Variants in PDE10A observed in about 807,000 individuals in gnomAD.
The protein encoded by PDE10A is cAMP and cAMP-inhibited cGMP 3',5'-cyclic phosphodiesterase 10A.
In PDE10A, 39 loss-of-function variants were observed where a neutral mutation model predicts 97.7. The ratio of observed to expected loss-of-function variants is 0.40; its 90% CI spans 0.31 to 0.52. PDE10A has a LOEUF of 0.52. PDE10A is among the 20% of genes least tolerant of loss of function. The pLI is 0.56. For missense variants in PDE10A, 731 were observed against 1,047.8 expected (o/e 0.70, Z 4.17); for synonymous variants, 371 against 376.8 (o/e 0.98, Z 0.18).
intron 1 of PDE10A, among the ~76,000 whole-genome samples, chr6:165,796,091 C>CTTTTTTTTTTTTTTTTTTTTTT (rs1168771487): frequency 1.0e-4 from 11 of 108,812 alleles, no homozygotes; most frequent in Admixed American, 3.4e-4. Context: ...TTTTTCTTTT[C>CTTTTTTTTTTTTTTTTTTTTTT]TTTTTTTTTT....
intron 1 of PDE10A, among the ~76,000 whole-genome samples, chr6:165,699,517 A>C (rs1687902663): frequency 6.6e-6 from 1 of 152,076 alleles, no homozygotes; most frequent in Non-Finnish European, 1.5e-5. Flanking sequence ...GCAATAGAAC[A>C]CTCCAACTAA....
At chr6:165,982,155 T>C (rs1390635485) in intron 1 of PDE10A, among the ~76,000 whole-genome samples, 2 of 152,206 alleles carry the variant, frequency 1.3e-5, no homozygotes, top group Non-Finnish European at 2.9e-5. Context: ...CACTGTTTCA[T>C]CTGACCACAT....
rs150735126 is a variant in PDE10A, at chr6:165,711,596, G to A, written c.-614-168028C>T. 8.6e-4 allele frequency among the ~76,000 whole-genome samples: 131 copies of A among 152,288 alleles called. 1 individual carries two copies. The highest frequency in any genetic ancestry group is 3.4e-3 in the Middle Eastern group (1 of 294). ...CCTCCAGCCAGGCCCAAACGCTGAG[G>A]AATGTGAGTGTGTGTCTTGGTAGGG... On this transcript the variant is annotated intron_variant, in intron 1 of 19. Coordinates refer to the PDE10A transcript ENST00000366882. This position sits in a 1 kb window ranked among gnomAD's most constrained non-coding sequence, Gnocchi z 4.5.
chr6:165,398,499 C>CA lies in PDE10A; in HGVS notation c.2077-2041dup, dbSNP rs376168637. ...CAAGACTCTCTCTCTCTCTCTCTCTCAAAAAAAAAAAAAAGGTTGTATTGG... is the reference window on the plus strand; with the variant it reads ...CAAGACTCTCTCTCTCTCTCTCTCTCAAAAAAAAAAAAAAAGGTTGTATTGG... On this transcript the variant is annotated intron_variant, in intron 13 of 21. Transcript: ENST00000539869. 2.1e-3 allele frequency among the ~76,000 whole-genome samples: 193 copies of CA among 90,714 alleles called. 1 individual carries two copies. Among genetic ancestry groups the CA allele is most frequent in the Admixed American group, 4.7e-3 (48 of 10,140 alleles). The allele number at this position is 90,714 out of a possible 152,430, so 59.5% of individuals were successfully genotyped here.
intron 6 of PDE10A, among the ~76,000 whole-genome samples, chr6:165,433,966 G>A (rs558985356): frequency 1.1e-4 from 14 of 133,316 alleles, no homozygotes; most frequent in Admixed American, 4.3e-4. Context: ...GCAGTGAGCC[G>A]AGATCAAGCC....
At chr6:165,503,161 G>A (rs906528919) in intron 2 of PDE10A, among the ~76,000 whole-genome samples, 1 of 151,996 alleles carries the variant, frequency 6.6e-6, no homozygotes, top group Non-Finnish European at 1.5e-5. Flanking sequence ...CTGGATCCAC[G>A]CTTCAACACC....
chr6:165,599,429 C>A (rs568362190), intron 1 of PDE10A, among the ~76,000 whole-genome samples: 11 of 152,192 alleles, frequency 7.2e-5, no homozygotes, highest in Non-Finnish European at 1.5e-4. Context: ...AAGCTTCCTT[C>A]TGATACATTT....
At chr6:165,508,591 C>T (rs560321244) in intron 2 of PDE10A, among the ~76,000 whole-genome samples, 13 of 152,040 alleles carry the variant, frequency 8.6e-5, no homozygotes, top group Admixed American at 3.9e-4. Context: ...GTCTACATAA[C>T]TTTTAAGAAA....
At chr6:165,963,586 A>G (rs1784419774) in intron 1 of PDE10A, among the ~76,000 whole-genome samples, 1 of 152,196 alleles carries the variant, frequency 6.6e-6, no homozygotes, top group South Asian at 2.1e-4. Context: ...GTCAGAAAGT[A>G]CCCAGTATGT....
intron 1 of PDE10A, among the ~76,000 whole-genome samples, chr6:165,779,822 G>A (rs187344941): frequency 1.2e-4 from 18 of 152,222 alleles, no homozygotes; most frequent in Admixed American, 9.8e-4. Flanking sequence ...TTCCCACGTG[G>A]CCATGGCAGC....
At chr6:165,559,733 G>C (rs1056502399) in intron 1 of PDE10A, among the ~76,000 whole-genome samples, 3 of 152,100 alleles carry the variant, frequency 2.0e-5, no homozygotes, top group Non-Finnish European at 4.4e-5. Flanking sequence ...CACGTGTTGC[G>C]GGAGGGACCT....
At chr6:165,888,767 G>A (rs192546097) in intron 1 of PDE10A, among the ~76,000 whole-genome samples, 1 of 152,226 alleles carries the variant, frequency 6.6e-6, no homozygotes, top group Non-Finnish European at 1.5e-5. Context: ...GAGAGTTATG[G>A]AGGATAGAGT....
intron 17 of PDE10A, among the ~76,000 whole-genome samples, chr6:165,381,058 A>G (rs1451060025): frequency 1.3e-5 from 2 of 152,172 alleles, no homozygotes; most frequent in Non-Finnish European, 2.9e-5. Flanking sequence ...TTTATCACCA[A>G]TAATTATCAC....
intron 1 of PDE10A, among the ~76,000 whole-genome samples, chr6:165,643,740 A>C (rs1789256180): frequency 6.6e-6 from 1 of 152,242 alleles, no homozygotes; most frequent in Non-Finnish European, 1.5e-5. Flanking sequence ...TACAGTTTCC[A>C]TCAGACAGGA....
intron 2 of PDE10A, among the ~76,000 whole-genome samples, chr6:165,494,950 C>A (rs1780453792): frequency 6.6e-6 from 1 of 152,182 alleles, no homozygotes. Flanking sequence ...GCACACGTAT[C>A]TTCTCTTTAT....
intron 17 of PDE10A, among the ~76,000 whole-genome samples, chr6:165,385,303 C>A (rs984296738): frequency 6.6e-6 from 1 of 151,712 alleles, no homozygotes; most frequent in Non-Finnish European, 1.5e-5. Flanking sequence ...ACAAAAGGCA[C>A]CTAAATAAGT....
intron 1 of PDE10A, among the ~76,000 whole-genome samples, chr6:165,915,687 C>T (rs1390761808): frequency 6.6e-6 from 1 of 152,242 alleles, no homozygotes; most frequent in Non-Finnish European, 1.5e-5. Context: ...CGGAACCACA[C>T]AAGGCCGTGT....
In PDE10A at chr6:165,939,054, C is replaced by T. The variant is rs1783429261; in HGVS notation, c.-615+48475G>A. ...TCTACACCACAGAATATTATGCAGC[C>T]AGCACAAAGAATTAATTAGAATATA... On this transcript the variant is annotated intron_variant, in intron 1 of 19. Coordinates refer to the PDE10A transcript ENST00000366882. Among the ~76,000 whole-genome samples the T allele has an allele frequency of 2.0e-5, 3 of 152,122 alleles. No individual in the cohort carries two copies. In the South Asian group the frequency reaches 6.2e-4, roughly 32 times the overall value.
intron 13 of PDE10A, among the ~76,000 whole-genome samples, chr6:165,404,656 C>G (rs1035613809): frequency 3.6e-4 from 55 of 151,822 alleles, no homozygotes; most frequent in African/African-American, 1.2e-3. Flanking sequence ...AGTAGGTAAA[C>G]AAGTAAACGA....
Sources: gnomAD v4.1 joint callset for allele counts (sites outside exome capture counted in the v4.1 genomes callset) on GRCh38, gnomAD v4.1.1 for gene constraint, Gnocchi (gnomAD v3.1) non-coding constraint, MANE v1.5 for transcripts, NCBI Gene and HGNC (gene_info 2026-07-23, HGNC 2026-07-21) for gene names.